The following ARHGAP44 variants were observed in gnomAD, a reference collection of about 807,000 sequenced individuals.
ARHGAP44 encodes the protein rho GTPase-activating protein 44.
A neutral mutation model predicts 106.8 loss-of-function variants in ARHGAP44; 43 were observed. The observed-to-expected ratio is 0.40, with a 90% CI of 0.32 to 0.52. ARHGAP44 has a LOEUF of 0.52. Among genes scored for constraint, ARHGAP44 ranks in the 20% least tolerant of loss-of-function variants. The probability of loss-of-function intolerance (pLI) is 0.48; values close to 1 mark genes in which losing one functional copy is unlikely to be tolerated. For synonymous variants in ARHGAP44, 439 were observed against 410.3 expected (o/e 1.07, Z -0.85); for missense variants, 866 against 1,050.5 (o/e 0.82, Z 2.43).
rs145374078 is a variant in ARHGAP44, at chr17:12,799,545, G to C, written c.53+9654G>C. Among the ~76,000 whole-genome samples the C allele has an allele frequency of 2.0e-5, 3 of 152,206 alleles. No homozygotes were observed. In the East Asian group the frequency reaches 5.8e-4, roughly 29 times the overall value. ...ACGTCACTTATGTTCACTTTTCATGGGCCAGTACTAGTTCCCTGGATATGA... is the reference window on the plus strand; with the variant it reads ...ACGTCACTTATGTTCACTTTTCATGCGCCAGTACTAGTTCCCTGGATATGA... On this transcript the variant is annotated intron_variant, in intron 1 of 20. Transcript: ENST00000379672.
intron 1 of ARHGAP44, among the ~76,000 whole-genome samples, chr17:12,879,655 G>GTATACATAAAATATATTT (rs2036661180): frequency 6.8e-6 from 1 of 147,670 alleles, no homozygotes; most frequent in Non-Finnish European, 1.5e-5. Flanking sequence ...TATATTTTAT[G>GTATACATAAAATATATTT]TATGTATAAA....
At chr17:12,829,534 T>G (rs1427766203) in intron 1 of ARHGAP44, among the ~76,000 whole-genome samples, 1 of 152,214 alleles carries the variant, frequency 6.6e-6, no homozygotes, top group African/African-American at 2.4e-5. Flanking sequence ...ACCTGGATTT[T>G]AAGTCTCAAT....
intron 1 of ARHGAP44, among the ~76,000 whole-genome samples, chr17:12,859,186 A>G (rs1298867435): frequency 1.3e-5 from 2 of 152,188 alleles, no homozygotes; most frequent in Non-Finnish European, 2.9e-5. Flanking sequence ...ACGTGACAAC[A>G]TAAGGAGAAT....
intron 1 of ARHGAP44, among the ~76,000 whole-genome samples, chr17:12,854,045 T>A (rs978393924): frequency 6.6e-6 from 1 of 152,116 alleles, no homozygotes; most frequent in East Asian, 1.9e-4. Context: ...CAGGCTGCCT[T>A]GTGGCTTGGC....
At chr17:12,794,574 G>A (rs2033863650) in intron 1 of ARHGAP44, among the ~76,000 whole-genome samples, 1 of 152,190 alleles carries the variant, frequency 6.6e-6, no homozygotes, top group Non-Finnish European at 1.5e-5. Flanking sequence ...AGTAGGTGAG[G>A]AACTGTGGGT....
At chr17:12,895,079 C>T (rs72813190) in intron 2 of ARHGAP44, 100 bp downstream of exon 2, 111,823 of 1,113,012 alleles carry the variant, frequency 0.1, 9,561 homozygotes, top group East Asian at 0.32. Context: ...TGTAGTTAGC[C>T]GGGATCGTGC....
chr17:12,977,807 A>AG (rs1306539060), intron 18 of ARHGAP44, among the ~76,000 whole-genome samples: 2 of 151,988 alleles, frequency 1.3e-5, no homozygotes, highest in Non-Finnish European at 2.9e-5. Context: ...TGGGTGGCCG[A>AG]GGGGGGTGGA....
intron 16 of ARHGAP44, among the ~76,000 whole-genome samples, chr17:12,960,841 A>G (rs10153245): frequency 0.17 from 25,989 of 152,006 alleles, 2,564 homozygotes; most frequent in East Asian, 0.48. Context: ...TGGGATTACA[A>G]GTGTGAGCCA....
intron 1 of ARHGAP44, among the ~76,000 whole-genome samples, chr17:12,794,914 T>C (rs1407713594): frequency 6.6e-6 from 1 of 152,166 alleles, no homozygotes; most frequent in Non-Finnish European, 1.5e-5. Flanking sequence ...TCAGTGAGGA[T>C]CTTTTCCTTG....
At chr17:12,853,100 G>C (rs1178211802) in intron 1 of ARHGAP44, among the ~76,000 whole-genome samples, 5 of 152,166 alleles carry the variant, frequency 3.3e-5, no homozygotes, top group African/African-American at 9.7e-5. Context: ...TAAGGAGCAA[G>C]GAAGCCAGTC....
In ARHGAP44 at chr17:12,915,955, C is replaced by T. The variant is rs138485127; in HGVS notation, c.331C>T (p.His111Tyr). ...GGACAAGCTGGCTCAGGAGCTGATA[C>T]ATTTTGAGTTGCAAGTAGAGAGAGA... ...TEDKLAQELI[H>Y]FELQVERDVI... The change falls in exon 5 of 21, where the codon CAT (histidine) becomes TAT (tyrosine). Residue 111 changes from histidine to tyrosine, a missense_variant. By Grantham distance (83) the His-to-Tyr change is moderately conservative. This residue lies in a region of ARHGAP44 where 448 missense variants were observed against 646.9 expected (regional missense o/e 0.69). Coordinates refer to ENST00000379672, the MANE Select transcript of ARHGAP44 (RefSeq NM_014859.6). 1.6e-5 allele frequency: 26 copies of T among 1,613,928 alleles called. No individual in the cohort carries two copies. Among genetic ancestry groups the T allele is most frequent in the Non-Finnish European group, 2.2e-5 (26 of 1,179,874 alleles).
At chr17:12,863,099 G>T (rs1438102404) in intron 1 of ARHGAP44, among the ~76,000 whole-genome samples, 1 of 152,020 alleles carries the variant, frequency 6.6e-6, no homozygotes, top group Non-Finnish European at 1.5e-5. Flanking sequence ...ACCAGCCTGG[G>T]CAACAAAGTG....
intron 1 of ARHGAP44, among the ~76,000 whole-genome samples, chr17:12,844,294 T>C (rs780367034): frequency 1.3e-5 from 2 of 152,188 alleles, no homozygotes; most frequent in Admixed American, 6.5e-5. Flanking sequence ...GGCACCAGCT[T>C]CAGTGAGAGC....
intron 20 of ARHGAP44, chr17:12,988,056 T>G (rs1291088461): frequency 6.6e-6 from 1 of 152,212 alleles, no homozygotes; most frequent in Non-Finnish European, 1.5e-5. Flanking sequence ...ACAGGTCTCC[T>G]GGCGGGTGCT....
chr17:12,917,921 C>T (rs555620295), intron 5 of ARHGAP44, among the ~76,000 whole-genome samples: 2 of 152,264 alleles, frequency 1.3e-5, no homozygotes, highest in Admixed American at 6.5e-5. Flanking sequence ...TGAACCACAA[C>T]GAGCACCTCC....
chr17:12,803,043 GC>G (rs1442467070), intron 1 of ARHGAP44, among the ~76,000 whole-genome samples: 1 of 140,362 alleles, frequency 7.1e-6, no homozygotes, highest in African/African-American at 2.6e-5. Context: ...CGCGATCTTG[GC>G]TCACTGCAAC....
At chr17:12,880,246 G>A (rs2036685288) in intron 1 of ARHGAP44, among the ~76,000 whole-genome samples, 1 of 152,046 alleles carries the variant, frequency 6.6e-6, no homozygotes, top group Non-Finnish European at 1.5e-5. Context: ...ATGAAACAAT[G>A]TTAAGAAGAA....
intron 6 of ARHGAP44, among the ~76,000 whole-genome samples, chr17:12,926,006 G>T (rs1224283508): frequency 6.6e-6 from 1 of 152,188 alleles, no homozygotes; most frequent in African/African-American, 2.4e-5. Flanking sequence ...GTTTACCTTG[G>T]TATTTTGTTT....
intron 7 of ARHGAP44, 38 bp from the exon 8 acceptor site, chr17:12,941,018 T>C: frequency 6.3e-7 from 1 of 1,597,408 alleles, no homozygotes; most frequent in Non-Finnish European, 8.6e-7. Flanking sequence ...CTCCATTGGT[T>C]TATGTTTTAC....
Sources: gnomAD v4.1 joint callset for allele counts (sites outside exome capture counted in the v4.1 genomes callset) on GRCh38, gnomAD v4.1.1 for gene constraint, gnomAD v4.1.1 regional missense constraint, MANE v1.5 for transcripts, NCBI Gene and HGNC (gene_info 2026-07-23, HGNC 2026-07-21) for gene names.